Variants in GPR158 observed in about 807,000 individuals in gnomAD.
GPR158 encodes G protein-coupled receptor 158.
GPR158 carries 30 observed loss-of-function variants against 78.2 expected under a neutral mutation model. The observed-to-expected ratio is 0.38, with a 90% confidence interval of 0.29 to 0.52. GPR158 has a LOEUF of 0.52. Among genes scored for constraint, GPR158 ranks in the 20% least tolerant of loss-of-function variants. The pLI, the probability that GPR158 is intolerant of heterozygous loss-of-function variation, is 0.83. For missense variants in GPR158, 1,463 were observed against 1,523.5 expected (o/e 0.96, Z 0.66); for synonymous variants, 581 against 591.1 (o/e 0.98, Z 0.25).
At chr10:25,534,499 CA>C (rs1836470762) in intron 5 of GPR158, among the ~76,000 whole-genome samples, 1 of 147,774 alleles carries the variant, frequency 6.8e-6, no homozygotes, top group Admixed American at 6.8e-5. Flanking sequence ...CAAAACAAAA[CA>C]AAACAAAACA....
At chr10:25,190,885 G>A (rs1852763080) in intron 1 of GPR158, among the ~76,000 whole-genome samples, 1 of 152,186 alleles carries the variant, frequency 6.6e-6, no homozygotes, top group South Asian at 2.1e-4. Flanking sequence ...GGAGGAGCTT[G>A]TTGTTGTACA....
Position 25,234,407 on chromosome 10 carries a change from C to T in GPR158, c.1008+13250C>T, listed in dbSNP as rs373086278. ...TAACATTTCACATATTAGTTTGATA[C>T]GTATTTCTAACTATAGTGAGTGCAT... On this transcript the variant is annotated intron_variant, in intron 2 of 10. Transcript: ENST00000376351. 6.6e-4 allele frequency among the ~76,000 whole-genome samples: 101 copies of T among 152,272 alleles called. 1 individual carries two copies. The highest frequency in any genetic ancestry group is 2.1e-3 in the African/African-American group (88 of 41,550).
At chr10:25,430,721 A>G (rs1201924782) in intron 4 of GPR158, among the ~76,000 whole-genome samples, 2 of 132,618 alleles carry the variant, frequency 1.5e-5, no homozygotes, top group Non-Finnish European at 1.7e-5. Context: ...ACCTACAACT[A>G]TCTGATCTTT....
intron 2 of GPR158, among the ~76,000 whole-genome samples, chr10:25,382,063 C>T (rs922923954): frequency 3.3e-5 from 5 of 152,116 alleles, no homozygotes; most frequent in Non-Finnish European, 7.4e-5. Context: ...ACTGTGACTG[C>T]GGGGAGCATG....
chr10:25,263,599 C>A (rs1853998893), intron 2 of GPR158, among the ~76,000 whole-genome samples: 1 of 152,112 alleles, frequency 6.6e-6, no homozygotes, highest in Non-Finnish European at 1.5e-5. Context: ...GCTGTGTGGT[C>A]ATATGTATGC....
intron 4 of GPR158, among the ~76,000 whole-genome samples, chr10:25,434,961 C>A (rs567595151): frequency 3.0e-4 from 45 of 152,268 alleles, no homozygotes; most frequent in Admixed American, 2.9e-3. Flanking sequence ...TTAGAGAGCA[C>A]ACATACATTC....
At chr10:25,490,458 A>T in intron 5 of GPR158, among the ~76,000 whole-genome samples, 1 of 58,608 alleles carries the variant, frequency 1.7e-5, no homozygotes, top group African/African-American at 7.6e-5. Flanking sequence ...CCACCCCACC[A>T]CAGTCCCCAG....
intron 4 of GPR158, among the ~76,000 whole-genome samples, chr10:25,443,329 C>T (rs893216877): frequency 2.6e-5 from 4 of 151,944 alleles, no homozygotes; most frequent in Admixed American, 1.3e-4. Flanking sequence ...CCGAGGCGGA[C>T]GGATCACCTG....
intron 2 of GPR158, among the ~76,000 whole-genome samples, chr10:25,304,479 C>T (rs1175415577): frequency 6.6e-6 from 1 of 152,028 alleles, no homozygotes; most frequent in African/African-American, 2.4e-5. Context: ...CTTGAGGATG[C>T]CACCTAATCT....
intron 2 of GPR158, among the ~76,000 whole-genome samples, chr10:25,382,528 C>T (rs755148948): frequency 5.9e-5 from 9 of 152,180 alleles, no homozygotes; most frequent in Non-Finnish European, 8.8e-5. Flanking sequence ...CTGACAGCTG[C>T]TGAATAATAG....
At chr10:25,498,884 C>T (rs1835918367) in intron 5 of GPR158, among the ~76,000 whole-genome samples, 1 of 152,084 alleles carries the variant, frequency 6.6e-6, no homozygotes, top group Admixed American at 6.5e-5. Flanking sequence ...GCAATATATC[C>T]CCTGCATTGA....
intron 7 of GPR158, among the ~76,000 whole-genome samples, chr10:25,580,441 A>C (rs1222756917): frequency 6.6e-6 from 1 of 152,224 alleles, no homozygotes; most frequent in African/African-American, 2.4e-5. Context: ...GAAAGAACCG[A>C]GAAAAATACA....
intron 2 of GPR158, among the ~76,000 whole-genome samples, chr10:25,328,927 CAAAAAAA>C (rs3054026): frequency 1.1e-4 from 10 of 89,076 alleles, no homozygotes; most frequent in Non-Finnish European, 2.0e-4. Context: ...AACTTCATCA[CAAAAAAA>C]AAAAAAAAAA....
chr10:25,198,039 C>T (rs995280317), intron 1 of GPR158, among the ~76,000 whole-genome samples: 3 of 152,056 alleles, frequency 2.0e-5, no homozygotes, highest in African/African-American at 2.4e-5. Context: ...AAACAGCAGA[C>T]TCAAGATATA....
chr10:25,175,378 A>G lies in GPR158; in HGVS notation c.-43A>G, dbSNP rs1015375374. On this transcript the variant is annotated 5_prime_UTR_variant, in exon 1 of 11. Coordinates refer to ENST00000376351, the MANE Select transcript of GPR158 (RefSeq NM_020752.3). This position sits in a 1 kb window ranked among gnomAD's most constrained non-coding sequence, Gnocchi z 6.4. ...ACTGACGATCCAAATTTAAAAAGTG[A>G]TTCCCCCCCCTCCCGTTCCCTCCTC... is the stretch of plus-strand genomic sequence containing the variant. 1 of 1,232,310 alleles carries G rather than the reference A, an allele frequency of 8.1e-7. No homozygotes were observed. The highest frequency in any genetic ancestry group is 1.1e-6 in the Non-Finnish European group (1 of 879,854). The allele number at this position is 1,232,310 out of a possible 1,614,324, so 76.3% of individuals were successfully genotyped here. A position where few individuals can be genotyped will look rare whatever the true frequency, so the allele number is the denominator to read the frequency against.
chr10:25,557,418 C>G (rs1434653695), intron 6 of GPR158, among the ~76,000 whole-genome samples: 1 of 152,172 alleles, frequency 6.6e-6, no homozygotes, highest in Admixed American at 6.5e-5. Context: ...ATGGCTCCCC[C>G]AGAAACCATG....
chr10:25,434,824 A>G (rs1834975557), intron 4 of GPR158, among the ~76,000 whole-genome samples: 1 of 152,140 alleles, frequency 6.6e-6, no homozygotes, highest in South Asian at 2.1e-4. Context: ...ATAATAATAA[A>G]CCTAGTCTCC....
At chr10:25,507,699 C>T (rs1396365581) in intron 5 of GPR158, among the ~76,000 whole-genome samples, 1 of 152,154 alleles carries the variant, frequency 6.6e-6, no homozygotes, top group African/African-American at 2.4e-5. Flanking sequence ...GACAATCACT[C>T]TGGTATGTTA....
intron 2 of GPR158, among the ~76,000 whole-genome samples, chr10:25,335,190 C>A (rs959508643): frequency 6.6e-6 from 1 of 151,930 alleles, no homozygotes; most frequent in Non-Finnish European, 1.5e-5. Flanking sequence ...AGAGAGAGAG[C>A]AAATGAGTGC....
Sources: allele counts gnomAD v4.1 joint callset (sites outside exome capture counted in the v4.1 genomes callset), GRCh38; gene constraint gnomAD v4.1.1; non-coding constraint Gnocchi (gnomAD v3.1); transcripts MANE v1.5; gene names NCBI Gene and HGNC (gene_info 2026-07-23, HGNC 2026-07-21).